The following KCND2 variants were observed in gnomAD, a reference collection of about 807,000 sequenced individuals.
KCND2 encodes the protein A-type voltage-gated potassium channel KCND2.
KCND2 carries 16 observed loss-of-function variants against 54.4 expected under a neutral mutation model. The ratio of observed to expected loss-of-function variants is 0.29; its 90% CI spans 0.20 to 0.45. The LOEUF (loss-of-function observed/expected upper bound fraction) is 0.45. KCND2 is among the 20% of genes least tolerant of loss of function. The pLI, the probability that KCND2 is intolerant of heterozygous loss-of-function variation, is 1.00. For synonymous variants in KCND2, 317 were observed against 310.7 expected, an observed-to-expected ratio of 1.02 and a Z score of -0.21; for missense variants, 486 against 824.2, an observed-to-expected ratio of 0.59 and a Z score of 5.02.
intron 1 of KCND2, among the ~76,000 whole-genome samples, chr7:120,614,245 T>C (rs1476498722): frequency 1.3e-5 from 2 of 152,204 alleles, no homozygotes; most frequent in African/African-American, 4.8e-5. Flanking sequence ...ACTCCTGACC[T>C]CAGGTGAGCC....
intron 1 of KCND2, among the ~76,000 whole-genome samples, chr7:120,309,474 TACACACACACACACACACAC>T (rs1209573900): frequency 8.8e-5 from 10 of 113,256 alleles, no homozygotes; most frequent in Non-Finnish European, 1.6e-4. Context: ...TATATATATA[TACACACACACACACACACAC>T]ACACACACAT....
At chr7:120,327,690 CAG>C (rs1255856251) in intron 1 of KCND2, among the ~76,000 whole-genome samples, 1 of 151,848 alleles carries the variant, frequency 6.6e-6, no homozygotes. Context: ...TATGCAAACT[CAG>C]ATCTTTGAAA....
intron 1 of KCND2, among the ~76,000 whole-genome samples, chr7:120,516,486 C>A (rs1803198609): frequency 6.6e-6 from 1 of 152,090 alleles, no homozygotes. Flanking sequence ...ATCAGAAAGA[C>A]ACCCTGATGG....
chr7:120,274,585 C>T lies in KCND2; in HGVS notation c.-48C>T, dbSNP rs1584706036. ...GGGTGACTTTTGGCTGCTTCGGTGA[C>T]CCATTGTAGACGCCTCGTTACCCTT... On this transcript the variant is annotated 5_prime_UTR_variant, in exon 1 of 6. Transcript: ENST00000331113. 1 of 1,612,608 alleles carries T rather than the reference C, an allele frequency of 6.2e-7. No individual in the cohort carries two copies. Among genetic ancestry groups the T allele is most frequent in the South Asian group, 1.1e-5 (1 of 91,022 alleles).
At chr7:120,329,591 A>C (rs1584732892) in intron 1 of KCND2, among the ~76,000 whole-genome samples, 1 of 152,220 alleles carries the variant, frequency 6.6e-6, no homozygotes, top group African/African-American at 2.4e-5. Context: ...GTTCAATAAA[A>C]TGAGGGCTAA....
chr7:120,601,716 C>T (rs1195456892), intron 1 of KCND2, among the ~76,000 whole-genome samples: 1 of 152,130 alleles, frequency 6.6e-6, no homozygotes, highest in Non-Finnish European at 1.5e-5. Flanking sequence ...CTGTGACAGT[C>T]CTTTAGCACT....
chr7:120,596,347 T>C (rs1792745489), intron 1 of KCND2, among the ~76,000 whole-genome samples: 1 of 152,290 alleles, frequency 6.6e-6, no homozygotes, highest in African/African-American at 2.4e-5. Context: ...TCCAGAAATA[T>C]GAGGGATCAG....
chr7:120,391,734 A>G (rs1167861669), intron 1 of KCND2, among the ~76,000 whole-genome samples: 1 of 151,954 alleles, frequency 6.6e-6, no homozygotes, highest in Non-Finnish European at 1.5e-5. Flanking sequence ...GTGTCTGTTC[A>G]TATCGTTTGC....
Position 120,745,798 on chromosome 7 carries a change from G to C in KCND2, c.1486G>C (p.Glu496Gln). The change falls in exon 5 of 6, where the codon GAA becomes CAA. Residue 496 changes from glutamate to glutamine, a missense_variant. Around this residue, in one of 7 missense-constraint regions of KCND2, gnomAD observed 202 missense variants for 252.7 expected, o/e 0.80. Transcript: ENST00000331113. Reference protein sequence around the residue: ...EKTTNHEFVDEQVFEESCMEV... With the variant: ...EKTTNHEFVDQQVFEESCMEV... ...GGAACAGAATCACGAGTTTGTGGAC[G>C]AACAAGTCTTTGAAGAAAGCTGCAT... 1 of 1,613,580 alleles carries C rather than the reference G, an allele frequency of 6.2e-7. No homozygotes were observed. The highest frequency in any genetic ancestry group is 8.5e-7 in the Non-Finnish European group (1 of 1,179,708).
chr7:120,675,458 C>G (rs1269786361), intron 1 of KCND2, among the ~76,000 whole-genome samples: 1 of 151,602 alleles, frequency 6.6e-6, no homozygotes, highest in Non-Finnish European at 1.5e-5. Context: ...AGGCTGGTCT[C>G]AAACTCCTGG....
chr7:120,356,400 T>C (rs1800505930), intron 1 of KCND2, among the ~76,000 whole-genome samples: 1 of 152,114 alleles, frequency 6.6e-6, no homozygotes, highest in South Asian at 2.1e-4. Flanking sequence ...AGGTTCTTTA[T>C]AAACATAAAA....
intron 1 of KCND2, among the ~76,000 whole-genome samples, chr7:120,278,148 A>AC (rs1412141123): frequency 4.6e-5 from 7 of 152,004 alleles, no homozygotes; most frequent in Non-Finnish European, 1.0e-4. Flanking sequence ...TTCATAGAAA[A>AC]ATGTCTTTAA....
chr7:120,544,518 A>G (rs770035020), intron 1 of KCND2, among the ~76,000 whole-genome samples: 10 of 151,966 alleles, frequency 6.6e-5, no homozygotes, highest in Non-Finnish European at 1.5e-4. Flanking sequence ...ATTAATAATC[A>G]CTATGCAATC....
chr7:120,291,748 T>C (rs1488010993), intron 1 of KCND2, among the ~76,000 whole-genome samples: 3 of 151,876 alleles, frequency 2.0e-5, no homozygotes, highest in Admixed American at 1.3e-4. Flanking sequence ...TTAAAAAACA[T>C]GTTTATGTTT....
At chr7:120,744,041 A>G (rs765006039) in intron 4 of KCND2, among the ~76,000 whole-genome samples, 6 of 152,110 alleles carry the variant, frequency 3.9e-5, no homozygotes, top group Non-Finnish European at 7.4e-5. Flanking sequence ...GGGCGGGTCA[A>G]CTGAGGTCAG....
intron 1 of KCND2, among the ~76,000 whole-genome samples, chr7:120,447,954 C>T (rs1388285996): frequency 1.3e-5 from 2 of 151,834 alleles, no homozygotes; most frequent in African/African-American, 2.4e-5. Flanking sequence ...TAGATAACCA[C>T]CTTGATTCAT....
chr7:120,385,835 C>A (rs1800980198), intron 1 of KCND2, among the ~76,000 whole-genome samples: 1 of 152,140 alleles, frequency 6.6e-6, no homozygotes, highest in African/African-American at 2.4e-5. Context: ...ACAACTGTAG[C>A]TCAGTTGGCT....
intron 1 of KCND2, among the ~76,000 whole-genome samples, chr7:120,346,126 C>G (rs148798553): frequency 1.3e-5 from 2 of 152,196 alleles, no homozygotes; most frequent in African/African-American, 4.8e-5. Flanking sequence ...TGCTTCTTGG[C>G]CATTTGTATA....
At chr7:120,311,780 C>T (rs541850225) in intron 1 of KCND2, among the ~76,000 whole-genome samples, 1 of 152,148 alleles carries the variant, frequency 6.6e-6, no homozygotes, top group Non-Finnish European at 1.5e-5. Flanking sequence ...TCCATGTTTT[C>T]TCATCATTTA....
Sources: gnomAD v4.1 joint callset for allele counts (sites outside exome capture counted in the v4.1 genomes callset) on GRCh38, gnomAD v4.1.1 for gene constraint, gnomAD v4.1.1 regional missense constraint, MANE v1.5 for transcripts, NCBI Gene and HGNC (gene_info 2026-07-23, HGNC 2026-07-21) for gene names.